Variants in CENPT observed in about 807,000 individuals in gnomAD.
CENPT encodes interphase centromere complex protein 22.
CENPT carries 42 observed loss-of-function variants against 59.7 expected under a neutral mutation model. The ratio of observed to expected loss-of-function variants is 0.70; its 90% CI spans 0.55 to 0.91. CENPT has a LOEUF of 0.91. CENPT is among the 40% of genes least tolerant of loss of function. The probability of loss-of-function intolerance (pLI) is 0.00; values close to 1 mark genes in which losing one functional copy is unlikely to be tolerated. For missense variants in CENPT, 716 were observed against 713.4 expected, an observed-to-expected ratio of 1.00 and a Z score of -0.04; for synonymous variants, 295 against 289.6, an observed-to-expected ratio of 1.02 and a Z score of -0.19.
rs1223887002 is a variant in CENPT at position 67,842,863 on chromosome 16, GCAGCAGCAGCAA to G, written c.-492+4526_-492+4537del. On this transcript the variant is annotated intron_variant, in intron 1 of 15. Coordinates refer to ENST00000562787, the MANE Select transcript of CENPT (RefSeq NM_025082.4). This position sits in a 1 kb window ranked among gnomAD's most constrained non-coding sequence, Gnocchi z 4.9. ...CTGGGGCCGCGGCCGCCCGCCGCAG[GCAGCAGCAGCAA>G]CAGCAGCAGCAGCAGCAACAGCAGC... The G allele has an allele frequency of 2.2e-4, 348 of 1,609,548 alleles. 1 individual carries two copies. Among genetic ancestry groups the G allele is most frequent in the Admixed American group, 9.0e-4 (54 of 59,906 alleles).
rs1491103462 is a variant in CENPT, at chr16:67,842,910, AGC to A, written c.-492+4489_-492+4490del. 28 of 1,572,634 alleles carry A rather than the reference AGC, an allele frequency of 1.8e-5. No individual in the cohort carries two copies. Among genetic ancestry groups the A allele is most frequent in the African/African-American group, 6.0e-5 (4 of 66,314 alleles). ...CAGCAGCAACAGCAGCAACAGCAGC[AGC>A]AGCAGCAACAGCAGCAGCAGCAGCA... On this transcript the variant is annotated intron_variant, in intron 1 of 15. Coordinates refer to ENST00000562787, the MANE Select transcript of CENPT (RefSeq NM_025082.4). The surrounding 1 kb of genome is among the most constrained non-coding windows in gnomAD (Gnocchi z 4.9).
chr16:67,828,651 T>C lies in CENPT; in HGVS notation c.1457+16A>G, dbSNP rs945288768. On this transcript the variant is annotated intron_variant, in intron 14 of 15. Coordinates refer to ENST00000562787, the MANE Select transcript of CENPT (RefSeq NM_025082.4). ...CCGAGGGGTTCCTCTCCCTACCCCA[T>C]GTGCCCAGGACTCACCACTTCTCCA... 1.9e-6 allele frequency: 3 copies of C among 1,614,036 alleles called. No homozygotes were observed. The African/African-American group carries it at 4.0e-5, about 22-fold the overall frequency.
intron 3 of CENPT, among the ~76,000 whole-genome samples, chr16:67,834,703 G>A (rs2057724315): frequency 6.6e-6 from 1 of 152,182 alleles, no homozygotes; most frequent in Admixed American, 6.5e-5. Flanking sequence ...CAGGCTCCAA[G>A]GCTAATAGGC....
chr16:67,831,395 C>T, intron 9 of CENPT, 37 bp from the exon 10 acceptor site: 9 of 1,603,850 alleles, frequency 5.6e-6, no homozygotes, highest in Non-Finnish European at 7.7e-6. Context: ...AAGTCAGGTA[C>T]CTGAGACCCA....
chr16:67,828,386 C>T lies in CENPT; in HGVS notation c.1567G>A (p.Gly523Ser), dbSNP rs1268432391. The change falls in exon 16 of 16, where the codon GGC (glycine) becomes AGC (serine). Residue 523 changes from glycine to serine, a missense_variant. Gly to Ser is a moderately conservative substitution (Grantham distance 56, BLOSUM62 0). Transcript: ENST00000562787. ...AGTGAGACTTGGTCAGTGACCAGGC[C>T]CTGCCTGCAGTGGAGGAAGAGAAGG... Reference protein sequence around the residue: ...EDLELLMRRQGLVTDQVSLHV... With the variant: ...EDLELLMRRQSLVTDQVSLHV... The T allele has an allele frequency of 8.1e-6, 13 of 1,610,980 alleles. No homozygotes were observed. Among genetic ancestry groups the T allele is most frequent in the Non-Finnish European group, 1.1e-5 (13 of 1,177,788 alleles).
Position 67,830,029 on chromosome 16 carries a change from G to C in CENPT, c.922C>G (p.Leu308Val). The change falls in exon 12 of 16, where the codon CTG becomes GTG. Residue 308 changes from leucine to valine, a missense_variant. Physicochemically the swap from Leu to Val is conservative, Grantham distance 32. Coordinates refer to ENST00000562787, the MANE Select transcript of CENPT (RefSeq NM_025082.4). ...GEAEEVNAFA[L>V]GFLSTSSGVS... ...CCACTGCTGGTGCTCAGGAAGCCCA[G>C]AGCAAAGGCATTGACCTCCTCTGCC... 4 of 1,614,226 alleles carry C rather than the reference G, an allele frequency of 2.5e-6. No homozygotes were observed. Among genetic ancestry groups the C allele is most frequent in the Middle Eastern group, 3.3e-4 (2 of 6,062 alleles).
intron 1 of CENPT, among the ~76,000 whole-genome samples, chr16:67,836,887 G>A (rs1415665632): frequency 9.2e-5 from 14 of 152,056 alleles, no homozygotes; most frequent in Admixed American, 8.5e-4. Flanking sequence ...GAGTACAGGC[G>A]CCCACTACCA....
At chr16:67,829,083 T>C (rs553038020) in intron 13 of CENPT, 163 of 534,710 alleles carry the variant, frequency 3.0e-4, no homozygotes, top group African/African-American at 2.9e-3. Flanking sequence ...TTATTATCTA[T>C]ATTGGTACCT....
intron 4 of CENPT, among the ~76,000 whole-genome samples, chr16:67,832,913 A>G (rs1282308658): frequency 6.6e-6 from 1 of 152,194 alleles, no homozygotes; most frequent in African/African-American, 2.4e-5. Flanking sequence ...CATGATGGAT[A>G]CTAAAGTATT....
intron 1 of CENPT, among the ~76,000 whole-genome samples, chr16:67,840,671 C>A (rs889884271): frequency 2.0e-5 from 3 of 151,874 alleles, no homozygotes; most frequent in African/African-American, 7.3e-5. Flanking sequence ...ATAATCTGTA[C>A]AACAAATCGC....
rs1283564511 is a variant in CENPT, at chr16:67,843,100, A to C, written c.-492+4301T>G. On this transcript the variant is annotated intron_variant, in intron 1 of 15. Transcript: ENST00000562787. This position sits in a 1 kb window ranked among gnomAD's most constrained non-coding sequence, Gnocchi z 5.7. ...AGCCGGCGCCCATCACTCCCACTGGAGAAGACGTGAAGCCCATCGATCTCA... is the reference window on the plus strand; with the variant it reads ...AGCCGGCGCCCATCACTCCCACTGGCGAAGACGTGAAGCCCATCGATCTCA... 6.2e-7 allele frequency: 1 copy of C among 1,610,932 alleles called. No individual in the cohort carries two copies. Among genetic ancestry groups the C allele is most frequent in the Non-Finnish European group, 8.5e-7 (1 of 1,179,954 alleles).
chr16:67,836,206 G>A (rs991457222), intron 1 of CENPT, among the ~76,000 whole-genome samples: 2 of 150,292 alleles, frequency 1.3e-5, no homozygotes, highest in African/African-American at 4.9e-5. Context: ...GATTACAGGT[G>A]CCCACCACCA....
chr16:67,830,342 C>T, intron 11 of CENPT, 48 bp downstream of exon 11: 3 of 1,574,906 alleles, frequency 1.9e-6, no homozygotes, highest in Middle Eastern at 3.4e-4. Context: ...ATTGTCAACT[C>T]TCACCCAAGC....
chr16:67,844,101 C>G (rs1446870868), intron 1 of CENPT: 1 of 167,000 alleles, frequency 6.0e-6, no homozygotes, highest in Admixed American at 6.5e-5. Flanking sequence ...TTGTTTGCTA[C>G]TGGTTACAAA....
chr16:67,842,907 A>G lies in CENPT; in HGVS notation c.-492+4494T>C. The G allele has an allele frequency of 6.4e-7, 1 of 1,572,438 alleles. No homozygotes were observed. Among genetic ancestry groups the G allele is most frequent in the Middle Eastern group, 1.7e-4 (1 of 5,888 alleles). ...CAGCAGCAGCAACAGCAGCAACAGC[A>G]GCAGCAGCAGCAACAGCAGCAGCAG... On this transcript the variant is annotated intron_variant, in intron 1 of 15. Transcript: ENST00000562787. This position sits in a 1 kb window ranked among gnomAD's most constrained non-coding sequence, Gnocchi z 4.9.
At chr16:67,846,551 A>AGGGGCAGCT (rs2057800297) in intron 1 of CENPT, among the ~76,000 whole-genome samples, 1 of 152,154 alleles carries the variant, frequency 6.6e-6, no homozygotes, top group Non-Finnish European at 1.5e-5. Flanking sequence ...GGGCCCAGGG[A>AGGGGCAGCT]GGGGCAGCTG....
In CENPT at chr16:67,830,473, C is replaced by G; in HGVS notation, c.779G>C (p.Cys260Ser). The G allele has an allele frequency of 6.2e-7, 1 of 1,614,122 alleles. No individual in the cohort carries two copies. Among genetic ancestry groups the G allele is most frequent in the South Asian group, 1.1e-5 (1 of 91,084 alleles). Reference sequence around the variant, plus strand: ...GTCTTCAGCCCCAGTGTGAGGCGTGCAGGGCAGGGAGTGATACACGTTGGG... The same window carrying G: ...GTCTTCAGCCCCAGTGTGAGGCGTGGAGGGCAGGGAGTGATACACGTTGGG... ...GSPNVYHSLPCTPHTGAEDAE... is the reference protein window; with the variant it reads ...GSPNVYHSLPSTPHTGAEDAE... The change falls in exon 11 of 16, where the codon TGC becomes TCC. Residue 260 changes from cysteine (C) to serine (S), a missense_variant. Physicochemically the swap from Cys to Ser is moderately radical, Grantham distance 112. Coordinates refer to ENST00000562787, the MANE Select transcript of CENPT (RefSeq NM_025082.4).
At chr16:67,839,923 T>C (rs1239617954) in intron 1 of CENPT, among the ~76,000 whole-genome samples, 1 of 152,214 alleles carries the variant, frequency 6.6e-6, no homozygotes, top group African/African-American at 2.4e-5. Context: ...TTCACGTTTA[T>C]ACCGTTGTAT....
intron 1 of CENPT, among the ~76,000 whole-genome samples, chr16:67,838,115 C>T (rs779340613): frequency 2.6e-5 from 4 of 152,098 alleles, no homozygotes; most frequent in African/African-American, 9.7e-5. Flanking sequence ...TCCAGATATG[C>T]TTTGAGGTAG....
Sources: allele counts gnomAD v4.1 joint callset (sites outside exome capture counted in the v4.1 genomes callset), GRCh38; gene constraint gnomAD v4.1.1; non-coding constraint Gnocchi (gnomAD v3.1); transcripts MANE v1.5; gene names NCBI Gene and HGNC (gene_info 2026-07-23, HGNC 2026-07-21).